MYO10: variants seen among roughly 807,000 people sequenced by gnomAD.
MYO10 encodes myosin X, also known as unconventional myosin-X.
A neutral mutation model predicts 257.3 loss-of-function variants in MYO10; 133 were observed. That is an observed-to-expected ratio of 0.52 (90% CI 0.45 to 0.60). The LOEUF (loss-of-function observed/expected upper bound fraction) is 0.60. Ranked by LOEUF, MYO10 falls within the 20% of genes least tolerant of loss-of-function variation. The pLI is 0.00. For synonymous variants in MYO10, 1,104 were observed against 1,028.6 expected, an observed-to-expected ratio of 1.07 and a Z score of -1.40; for missense variants, 2,399 against 2,635.7, an observed-to-expected ratio of 0.91 and a Z score of 1.97.
At chr5:16,713,725 G>C (rs926685437) in intron 19 of MYO10, among the ~76,000 whole-genome samples, 2 of 152,094 alleles carry the variant, frequency 1.3e-5, no homozygotes, top group Non-Finnish European at 2.9e-5. Context: ...ATTTCCATTG[G>C]TGGTTTTCTT....
intron 2 of MYO10, among the ~76,000 whole-genome samples, chr5:16,839,295 A>G (rs1366376151): frequency 2.0e-5 from 3 of 152,152 alleles, no homozygotes; most frequent in Non-Finnish European, 4.4e-5. Context: ...GATTAGGAGG[A>G]GTCTGGAAGA....
At chr5:16,897,302 TAAA>T (rs3060810) in intron 1 of MYO10, among the ~76,000 whole-genome samples, 9 of 129,090 alleles carry the variant, frequency 7.0e-5, no homozygotes, top group South Asian at 2.5e-4. Context: ...TTACACTTCG[TAAA>T]AAAAAAAAAA....
At chr5:16,758,928 AT>A (rs35536554) in intron 17 of MYO10, among the ~76,000 whole-genome samples, 46 of 148,392 alleles carry the variant, frequency 3.1e-4, no homozygotes, top group Admixed American at 7.4e-4. Context: ...CTTCCCAATA[AT>A]TTTTTTTTTT....
At chr5:16,826,077 G>A (rs978849274) in intron 2 of MYO10, among the ~76,000 whole-genome samples, 2 of 152,056 alleles carry the variant, frequency 1.3e-5, no homozygotes, top group Admixed American at 6.6e-5. Context: ...GAACCCGGGA[G>A]GCGGAGGTTA....
chr5:16,673,630 G>A, intron 36 of MYO10, 52 bp downstream of exon 36: 1 of 1,552,086 alleles, frequency 6.4e-7, no homozygotes, highest in East Asian at 2.3e-5. Context: ...TGACGCAGGT[G>A]TATCTGCAGC....
intron 1 of MYO10, among the ~76,000 whole-genome samples, chr5:16,932,212 A>G (rs1201600674): frequency 2.6e-5 from 4 of 152,228 alleles, no homozygotes; most frequent in Admixed American, 6.5e-5. Flanking sequence ...TACATTTTAC[A>G]TATTTATTCT....
chr5:16,767,722 G>A, intron 10 of MYO10, among the ~76,000 whole-genome samples: 1 of 151,870 alleles, frequency 6.6e-6, no homozygotes, highest in South Asian at 2.1e-4. Flanking sequence ...TTGTCACCCA[G>A]GCTATAGTGC....
intron 19 of MYO10, among the ~76,000 whole-genome samples, chr5:16,745,763 C>A (rs1444419698): frequency 1.3e-5 from 2 of 152,150 alleles, no homozygotes; most frequent in East Asian, 1.9e-4. Flanking sequence ...AGATTAAATT[C>A]TCTGTTTCTG....
intron 2 of MYO10, among the ~76,000 whole-genome samples, chr5:16,866,637 G>A (rs182064032): frequency 1.3e-5 from 2 of 151,554 alleles, no homozygotes; most frequent in African/African-American, 4.8e-5. Flanking sequence ...TTCCTCTTGA[G>A]AGAAAAAGGG....
chr5:16,794,641 G>C lies in MYO10; in HGVS notation c.467+5C>G, dbSNP rs375101260. 90 of 1,603,640 alleles carry C rather than the reference G, an allele frequency of 5.6e-5. No homozygotes were observed. The African/African-American group carries it at 9.1e-4, about 16-fold the overall frequency. The stretch of plus-strand genomic sequence containing the variant: ...GAAAGTCCGACTGGCTGTGAGCCCC[G>C]TTACCTGATGAGGATGCACTGGTTG... On this transcript the variant is annotated splice_donor_5th_base_variant and intron_variant, in intron 4 of 40. Transcript: ENST00000513610.
chr5:16,794,915 C>T (rs1560988649), intron 3 of MYO10, 82 bp from the exon 4 acceptor site: 21 of 1,132,842 alleles, frequency 1.9e-5, no homozygotes, highest in African/African-American at 6.8e-5. Context: ...ACCGAGTGTG[C>T]GCCAGGGGGA....
chr5:16,771,171 T>C (rs998733966), intron 9 of MYO10, among the ~76,000 whole-genome samples: 26 of 152,246 alleles, frequency 1.7e-4, no homozygotes, highest in African/African-American at 6.0e-4. Context: ...ACATGAGCGA[T>C]AAAAATAGGG....
chr5:16,914,151 A>G (rs1745747665), intron 1 of MYO10, among the ~76,000 whole-genome samples: 1 of 152,190 alleles, frequency 6.6e-6, no homozygotes, highest in South Asian at 2.1e-4. Flanking sequence ...CCAAGGGTTC[A>G]AGGTGGCATT....
At chr5:16,881,015 A>G (rs948345682) in intron 1 of MYO10, among the ~76,000 whole-genome samples, 1 of 152,242 alleles carries the variant, frequency 6.6e-6, no homozygotes, top group African/African-American at 2.4e-5. Context: ...GCTCGCAGCA[A>G]TGAAAATGTT....
intron 19 of MYO10, among the ~76,000 whole-genome samples, chr5:16,719,989 C>CGTGCGTGT (rs1554039262): frequency 3.4e-4 from 49 of 143,556 alleles, no homozygotes; most frequent in African/African-American, 1.2e-3. Context: ...TGTGTGCGTG[C>CGTGCGTGT]GTGTGTGTGT....
intron 1 of MYO10, among the ~76,000 whole-genome samples, chr5:16,908,482 C>T (rs1745573378): frequency 6.6e-6 from 1 of 151,700 alleles, no homozygotes; most frequent in South Asian, 2.1e-4. Flanking sequence ...GGGCTGAGAT[C>T]ATGCCACTGC....
At chr5:16,731,787 G>A (rs1739592216) in intron 19 of MYO10, among the ~76,000 whole-genome samples, 1 of 152,252 alleles carries the variant, frequency 6.6e-6, no homozygotes, top group South Asian at 2.1e-4. Flanking sequence ...GAGGCCACCA[G>A]CTTGGGATAG....
chr5:16,894,447 T>A (rs1163835049), intron 1 of MYO10, among the ~76,000 whole-genome samples: 1 of 152,176 alleles, frequency 6.6e-6, no homozygotes, highest in African/African-American at 2.4e-5. Context: ...CTTAGCCATG[T>A]GGCCTTGGAC....
chr5:16,678,224 G>T (rs938149644), intron 33 of MYO10, among the ~76,000 whole-genome samples: 12 of 152,190 alleles, frequency 7.9e-5, no homozygotes, highest in African/African-American at 2.9e-4. Context: ...ATGAAATTAT[G>T]TGTAGCCAGT....
Sources: gnomAD v4.1 joint callset for allele counts (sites outside exome capture counted in the v4.1 genomes callset) on GRCh38, gnomAD v4.1.1 for gene constraint, MANE v1.5 for transcripts, NCBI Gene and HGNC (gene_info 2026-07-23, HGNC 2026-07-21) for gene names.